The following ZFPM2 variants were observed in gnomAD, a reference collection of about 807,000 sequenced individuals.
ZFPM2 encodes the protein zinc finger protein ZFPM2.
A neutral mutation model predicts 98.6 loss-of-function variants in ZFPM2; 20 were observed. That is an observed-to-expected ratio of 0.20 (90% confidence interval 0.14 to 0.29). The LOEUF is 0.29. Ranked by LOEUF, ZFPM2 falls within the 10% of genes least tolerant of loss-of-function variation. The pLI is 1.00. For missense variants in ZFPM2, 1,310 were observed against 1,388.6 expected (o/e 0.94, Z 0.90); for synonymous variants, 518 against 502.7 (o/e 1.03, Z -0.41).
intron 5 of ZFPM2, among the ~76,000 whole-genome samples, chr8:105,692,348 A>T (rs1810907058): frequency 6.6e-6 from 1 of 152,222 alleles, no homozygotes; most frequent in Non-Finnish European, 1.5e-5. Context: ...ATAGTGGATT[A>T]TGCAAATAAT....
intron 3 of ZFPM2, among the ~76,000 whole-genome samples, chr8:105,489,466 A>ATATATATATATATATATATATATTTTTTT (rs1554610604): frequency 1.7e-5 from 2 of 119,810 alleles, no homozygotes; most frequent in African/African-American, 3.6e-5. Flanking sequence ...ATATATATAT[A>ATATATATATATATATATATATATTTTTTT]TTTTTTTTTT....
intron 5 of ZFPM2, among the ~76,000 whole-genome samples, chr8:105,786,073 A>G (rs1813408230): frequency 6.9e-6 from 1 of 145,580 alleles, no homozygotes; most frequent in South Asian, 2.2e-4. Flanking sequence ...AAAAAAAATT[A>G]GCCAAGAGTG....
chr8:105,578,623 T>C (rs2343593), intron 4 of ZFPM2, among the ~76,000 whole-genome samples: 96,921 of 151,462 alleles, frequency 0.64, 31,408 homozygotes, highest in African/African-American at 0.77. Flanking sequence ...CTAGTGAACC[T>C]AACATTGTGA....
intron 3 of ZFPM2, among the ~76,000 whole-genome samples, chr8:105,530,605 G>T (rs765700319): frequency 2.6e-5 from 4 of 152,102 alleles, no homozygotes; most frequent in Non-Finnish European, 5.9e-5. Flanking sequence ...ATGAAACAGC[G>T]AGCATGTGCT....
intron 4 of ZFPM2, among the ~76,000 whole-genome samples, chr8:105,570,212 T>C (rs931815257): frequency 9.9e-5 from 15 of 152,164 alleles, no homozygotes; most frequent in African/African-American, 3.6e-4. Flanking sequence ...CAAAGAAGAC[T>C]TGAAGGCAAG....
At chr8:105,332,919 T>C (rs977887908) in intron 1 of ZFPM2, among the ~76,000 whole-genome samples, 2 of 151,696 alleles carry the variant, frequency 1.3e-5, no homozygotes, top group African/African-American at 4.8e-5. Context: ...TCTTGAGAGC[T>C]GATTTGGGGC....
chr8:105,658,309 C>CATCACTAGATTTTCCTGTACCTTCAGT (rs1586178875), intron 5 of ZFPM2, among the ~76,000 whole-genome samples: 7 of 121,384 alleles, frequency 5.8e-5, no homozygotes, highest in South Asian at 2.4e-4. Context: ...AAGCAGACGG[C>CATCACTAGATTTTCCTGTACCTTCAGT]CGGGCGCGGT....
At chr8:105,365,674 C>T (rs1324944736) in intron 1 of ZFPM2, among the ~76,000 whole-genome samples, 1 of 152,052 alleles carries the variant, frequency 6.6e-6, no homozygotes, top group Non-Finnish European at 1.5e-5. Context: ...CAAAGGAAAC[C>T]ATATTGCTTA....
At chr8:105,642,739 T>G (rs985597053) in intron 5 of ZFPM2, among the ~76,000 whole-genome samples, 3 of 152,162 alleles carry the variant, frequency 2.0e-5, no homozygotes, top group African/African-American at 7.2e-5. Flanking sequence ...AGAAGCTTAT[T>G]GAAAGAGCTT....
intron 3 of ZFPM2, among the ~76,000 whole-genome samples, chr8:105,519,351 G>A (rs928365434): frequency 6.6e-6 from 1 of 151,850 alleles, no homozygotes; most frequent in Non-Finnish European, 1.5e-5. Flanking sequence ...CTGAAAACTA[G>A]TGATAGTTGA....
At chr8:105,501,988 A>G (rs1450303903) in intron 3 of ZFPM2, among the ~76,000 whole-genome samples, 3 of 152,148 alleles carry the variant, frequency 2.0e-5, no homozygotes, top group South Asian at 4.1e-4. Context: ...GGAATTATAC[A>G]TCAAAGTTTA....
chr8:105,343,732 C>T (rs921374921), intron 1 of ZFPM2, among the ~76,000 whole-genome samples: 14 of 151,970 alleles, frequency 9.2e-5, no homozygotes, highest in African/African-American at 3.4e-4. Context: ...TTTAGTAGAT[C>T]CTTGGAATAT....
At chr8:105,589,857 G>A (rs1390267903) in intron 4 of ZFPM2, among the ~76,000 whole-genome samples, 3 of 152,046 alleles carry the variant, frequency 2.0e-5, no homozygotes, top group Admixed American at 6.5e-5. Flanking sequence ...AAGTAGCTGG[G>A]ATTACAGGCA....
intron 4 of ZFPM2, among the ~76,000 whole-genome samples, chr8:105,599,334 A>G (rs1449014621): frequency 6.6e-6 from 1 of 151,430 alleles, no homozygotes; most frequent in Non-Finnish European, 1.5e-5. Flanking sequence ...TTCCTAGTAT[A>G]ACACAAAACC....
chr8:105,635,554 ACCTGT>A (rs1439177338), intron 5 of ZFPM2, among the ~76,000 whole-genome samples: 2 of 152,082 alleles, frequency 1.3e-5, no homozygotes, highest in African/African-American at 4.8e-5. Context: ...AACCCGGAAT[ACCTGT>A]GGTATGCTGG....
At chr8:105,494,209 A>ATATATATATATATC in intron 3 of ZFPM2, among the ~76,000 whole-genome samples, 1 of 129,694 alleles carries the variant, frequency 7.7e-6, no homozygotes, top group Non-Finnish European at 1.6e-5. Context: ...ATATATATAT[A>ATATATATATATATC]TATATATATA....
At chr8:105,511,612 A>G (rs1369249366) in intron 3 of ZFPM2, among the ~76,000 whole-genome samples, 1 of 152,174 alleles carries the variant, frequency 6.6e-6, no homozygotes, top group African/African-American at 2.4e-5. Flanking sequence ...TCCAATATTA[A>G]CATTTTTTTG....
At chr8:105,488,856 C>T (rs1450143283) in intron 3 of ZFPM2, among the ~76,000 whole-genome samples, 1 of 152,156 alleles carries the variant, frequency 6.6e-6, no homozygotes, top group African/African-American at 2.4e-5. Flanking sequence ...TCTCAGATCT[C>T]TAATTGTCTT....
chr8:105,519,198 G>A (rs1814000003), intron 3 of ZFPM2, among the ~76,000 whole-genome samples: 1 of 152,068 alleles, frequency 6.6e-6, no homozygotes, highest in Non-Finnish European at 1.5e-5. Flanking sequence ...GCCAATCTGA[G>A]ATTTAAACCC....
Sources: gnomAD v4.1 joint callset for allele counts (sites outside exome capture counted in the v4.1 genomes callset) on GRCh38, gnomAD v4.1.1 for gene constraint, MANE v1.5 for transcripts, NCBI Gene and HGNC (gene_info 2026-07-23, HGNC 2026-07-21) for gene names.